Variants in TLCD5 observed in about 807,000 individuals in gnomAD.
TLCD5 encodes the protein TLC domain-containing protein 5.
TLCD5 carries 15 observed loss-of-function variants against 20.5 expected under a neutral mutation model. That is an observed-to-expected ratio of 0.73 (90% confidence interval 0.49 to 1.13). The LOEUF is 1.13. Ranked by LOEUF, TLCD5 falls within the 50% of genes most tolerant of loss-of-function variation. TLCD5 has a pLI of 0.00. For synonymous variants in TLCD5, 107 were observed against 114.7 expected (o/e 0.93, Z 0.43); for missense variants, 289 against 305.6 (o/e 0.95, Z 0.41).
At chr11:120,326,035 G>A (rs879841095) in intron 1 of TLCD5, among the ~76,000 whole-genome samples, 1 of 152,084 alleles carries the variant, frequency 6.6e-6, no homozygotes, top group Non-Finnish European at 1.5e-5. Context: ...CTCTTCACCT[G>A]GGATACTTTG....
intron 2 of TLCD5, among the ~76,000 whole-genome samples, chr11:120,329,395 C>T (rs952178300): frequency 1.3e-5 from 2 of 152,114 alleles, no homozygotes; most frequent in Non-Finnish European, 2.9e-5. Flanking sequence ...CCAACTGTTA[C>T]GCTTTGTGTT....
chr11:120,325,933 C>G (rs1941988202), intron 1 of TLCD5, among the ~76,000 whole-genome samples: 1 of 152,214 alleles, frequency 6.6e-6, no homozygotes, highest in East Asian at 1.9e-4. Context: ...GAGAAGAAGA[C>G]TCTAAAAATA....
chr11:120,332,215 G>A lies in TLCD5; in HGVS notation c.*1700G>A, dbSNP rs1386122052. On this transcript the variant is annotated 3_prime_UTR_variant, in exon 3 of 3. Transcript: ENST00000375095. The surrounding 1 kb of genome is among the most constrained non-coding windows in gnomAD (Gnocchi z 4.2). Reference sequence around the variant, plus strand: ...AGAGCTACTCACTCACTTTGGATAGGTTACTTGTTTCTTCTTTGCCTGAGT... The same window carrying A: ...AGAGCTACTCACTCACTTTGGATAGATTACTTGTTTCTTCTTTGCCTGAGT... The A allele has an allele frequency of 1.3e-5, 2 of 152,120 alleles. No individual in the cohort carries two copies. The highest frequency in any genetic ancestry group is 4.8e-5 in the African/African-American group (2 of 41,424). The allele number at this position is 152,120 out of a possible 1,614,324, so 9.4% of individuals were successfully genotyped here. A position where few individuals can be genotyped will look rare whatever the true frequency, so the allele number is the denominator to read the frequency against.
chr11:120,332,026 A>G lies in TLCD5; in HGVS notation c.*1511A>G, dbSNP rs529396582. 6.6e-6 allele frequency: 1 copy of G among 152,254 alleles called. No individual in the cohort carries two copies. Among genetic ancestry groups the G allele is most frequent in the Admixed American group, 6.5e-5 (1 of 15,280 alleles). The allele number at this position is 152,254 out of a possible 1,614,324, so 9.4% of individuals were successfully genotyped here. ...ATTTTTACTAAAAAGGTACCACTCT[A>G]TGAACAAACTAATAAAACAAGGCCA... On this transcript the variant is annotated 3_prime_UTR_variant, in exon 3 of 3. Transcript: ENST00000375095. The surrounding 1 kb of genome is among the most constrained non-coding windows in gnomAD (Gnocchi z 4.2).
chr11:120,327,278 T>C, intron 1 of TLCD5, 163 bp from the exon 2 acceptor site: 1 of 1,233,100 alleles, frequency 8.1e-7, no homozygotes, highest in Non-Finnish European at 1.1e-6. Flanking sequence ...AATACAGCCA[T>C]ACTTAAATAG....
rs1942184275 is a variant in TLCD5 at position 120,332,714 on chromosome 11, G to A, written c.*2199G>A. ...TGCCTGGCTACTTTTTGTATTTTTA[G>A]TAGAGACGGGGTTTCACCATGTTGG... is the stretch of plus-strand genomic sequence containing the variant. On this transcript the variant is annotated 3_prime_UTR_variant, in exon 3 of 3. Coordinates refer to ENST00000375095, the MANE Select transcript of TLCD5 (RefSeq NM_001198671.2). The surrounding 1 kb of genome is among the most constrained non-coding windows in gnomAD (Gnocchi z 4.2). 1 of 152,218 alleles carries A rather than the reference G, an allele frequency of 6.6e-6. No individual in the cohort carries two copies. Among genetic ancestry groups the A allele is most frequent in the African/African-American group, 2.4e-5 (1 of 41,414 alleles). 9.4% of individuals were successfully genotyped at this position (152,218 alleles called of 1,614,324 possible).
At chr11:120,328,677 T>TTGTGTG (rs1565399900) in intron 2 of TLCD5, among the ~76,000 whole-genome samples, 99 of 91,716 alleles carry the variant, frequency 1.1e-3, no homozygotes, top group African/African-American at 4.7e-3. Context: ...ATAACAGTCA[T>TTGTGTG]AGTGTGTGTG....
chr11:120,329,946 C>T, intron 2 of TLCD5, 31 bp from the exon 3 acceptor site: 1 of 1,586,850 alleles, frequency 6.3e-7, no homozygotes, highest in Non-Finnish European at 8.6e-7. Context: ...TTCCCAGTCA[C>T]TCAATTTGCT....
chr11:120,328,917 AG>A (rs1565400222), intron 2 of TLCD5, among the ~76,000 whole-genome samples: 101 of 31,888 alleles, frequency 3.2e-3, no homozygotes, highest in African/African-American at 4.6e-3. Flanking sequence ...TAACAGTCAT[AG>A]TGTGTGTGTG....
intron 1 of TLCD5, among the ~76,000 whole-genome samples, chr11:120,325,646 C>T (rs1469901760): frequency 2.0e-5 from 3 of 152,104 alleles, no homozygotes; most frequent in Non-Finnish European, 2.9e-5. Context: ...CCGGGGCCCG[C>T]GCTCGCCGCC....
chr11:120,327,109 A>G (rs1942017865), intron 1 of TLCD5: 1 of 465,858 alleles, frequency 2.1e-6, no homozygotes, highest in Middle Eastern at 5.9e-4. Context: ...TTTTCTGTGT[A>G]TTATTGCCCA....
At position 120,330,798 on chromosome 11, in the gene TLCD5, T is replaced by G. The variant is rs183610288; in HGVS notation, c.*283T>G. The stretch of plus-strand genomic sequence containing the variant: ...CATTTGTTTTCATTTGTGGTGACCC[T>G]GGGTCCTCCTGTCCCTGGGAGGTTT... On this transcript the variant is annotated 3_prime_UTR_variant, in exon 3 of 3. Coordinates refer to ENST00000375095, the MANE Select transcript of TLCD5 (RefSeq NM_001198671.2). 1,091 of 295,296 alleles carry G rather than the reference T, an allele frequency of 3.7e-3. 24 individuals carry two copies. Among genetic ancestry groups the G allele is most frequent in the Non-Finnish European group, 4.4e-4 (71 of 159,690 alleles). The allele number at this position is 295,296 out of a possible 1,614,324, so 18.3% of individuals were successfully genotyped here.
chr11:120,330,644 T>C lies in TLCD5; in HGVS notation c.*129T>C. 9.0e-7 allele frequency: 1 copy of C among 1,113,648 alleles called. No homozygotes were observed. The highest frequency in any genetic ancestry group is 2.8e-5 in the Admixed American group (1 of 35,364). The allele number at this position is 1,113,648 out of a possible 1,614,324, so 69.0% of individuals were successfully genotyped here. On this transcript the variant is annotated 3_prime_UTR_variant, in exon 3 of 3. Transcript: ENST00000375095. ...TAAAGGGCTAAATGTATTGATCAATTTGGTCAGTCTTCAAGCCGAGCATAT... is the reference window on the plus strand; with the variant it reads ...TAAAGGGCTAAATGTATTGATCAATCTGGTCAGTCTTCAAGCCGAGCATAT...
Position 120,331,939 on chromosome 11 carries a change from G to A in TLCD5, c.*1424G>A, listed in dbSNP as rs1038002886. On this transcript the variant is annotated 3_prime_UTR_variant, in exon 3 of 3. Coordinates refer to ENST00000375095, the MANE Select transcript of TLCD5 (RefSeq NM_001198671.2). The surrounding 1 kb of genome is among the most constrained non-coding windows in gnomAD (Gnocchi z 4.5). Reference sequence around the variant, plus strand: ...AAGTGTGTACTGGCCTCAGGGGGATGAGGTTAATTTTTTTTTTTCATTTTA... The same window carrying A: ...AAGTGTGTACTGGCCTCAGGGGGATAAGGTTAATTTTTTTTTTTCATTTTA... 1 of 152,028 alleles carries A rather than the reference G, an allele frequency of 6.6e-6. No homozygotes were observed. Among genetic ancestry groups the A allele is most frequent in the Non-Finnish European group, 1.5e-5 (1 of 68,036 alleles). 9.4% of individuals were successfully genotyped at this position (152,028 alleles called of 1,614,324 possible).
intron 1 of TLCD5, 130 bp from the exon 2 acceptor site, chr11:120,327,311 A>C (rs551368235): frequency 3.4e-6 from 5 of 1,479,808 alleles, no homozygotes; most frequent in Middle Eastern, 2.4e-4. Flanking sequence ...CGTGTAGATA[A>C]GGAAAATAAG....
At chr11:120,326,657 A>G (rs565577243) in intron 1 of TLCD5, among the ~76,000 whole-genome samples, 3 of 152,342 alleles carry the variant, frequency 2.0e-5, no homozygotes, top group African/African-American at 7.2e-5. Context: ...GTCCTAACGT[A>G]TTTGTCACCA....
In TLCD5 at chr11:120,325,700, G is replaced by T. The variant is rs117528655; in HGVS notation, c.-2+332G>T. On this transcript the variant is annotated intron_variant, in intron 1 of 2. Coordinates refer to ENST00000375095, the MANE Select transcript of TLCD5 (RefSeq NM_001198671.2). Reference sequence around the variant, plus strand: ...GCTCCTCCTCGCCAGTCTGGCCCTGGAACGGGAGAAACCAGGAGAGGAGCC... The same window carrying T: ...GCTCCTCCTCGCCAGTCTGGCCCTGTAACGGGAGAAACCAGGAGAGGAGCC... Among the ~76,000 whole-genome samples, 719 of 152,316 alleles carry T rather than the reference G, an allele frequency of 4.7e-3. 4 individuals carry two copies. The highest frequency in any genetic ancestry group is 8.3e-3 in the Non-Finnish European group (562 of 68,022).
At chr11:120,328,341 A>G (rs368671044) in intron 2 of TLCD5, among the ~76,000 whole-genome samples, 2 of 152,204 alleles carry the variant, frequency 1.3e-5, no homozygotes, top group African/African-American at 4.8e-5. Flanking sequence ...TTGGCCTCCC[A>G]AAGTGCTGGG....
intron 2 of TLCD5, among the ~76,000 whole-genome samples, chr11:120,328,377 G>A (rs948903094): frequency 7.2e-5 from 11 of 152,204 alleles, no homozygotes; most frequent in East Asian, 1.9e-4. Context: ...CACCGCACCC[G>A]GCCAAGTATG....
Sources: allele counts gnomAD v4.1 joint callset (sites outside exome capture counted in the v4.1 genomes callset), GRCh38; gene constraint gnomAD v4.1.1; non-coding constraint Gnocchi (gnomAD v3.1); transcripts MANE v1.5; gene names NCBI Gene and HGNC (gene_info 2026-07-23, HGNC 2026-07-21).